RASAL2: variants seen among roughly 807,000 people sequenced by gnomAD.
RASAL2 encodes ras GTPase-activating protein nGAP.
In RASAL2, 58 loss-of-function variants were observed where a neutral mutation model predicts 128.9. The observed-to-expected ratio is 0.45, with a 90% confidence interval of 0.36 to 0.56. The LOEUF (loss-of-function observed/expected upper bound fraction) is 0.56, where lower values mean the gene tolerates loss of function less well. RASAL2 is among the 20% of genes least tolerant of loss of function. RASAL2 has a pLI of 0.00. For synonymous variants in RASAL2, 561 were observed against 580.8 expected, an observed-to-expected ratio of 0.97 and a Z score of 0.49; for missense variants, 1,360 against 1,601.6, an observed-to-expected ratio of 0.85 and a Z score of 2.57.
Position 178,445,680 on chromosome 1 carries a change from A to G in RASAL2, c.1627+18A>G, listed in dbSNP as rs1377907713. ...CGCACTGGGTATGAAAGAGAAAAAC[A>G]TCTATTTTCTTTTATTTACTTTTCA... is the stretch of plus-strand genomic sequence containing the variant. On this transcript the variant is annotated intron_variant, in intron 9 of 17. Coordinates refer to ENST00000367649, the MANE Select transcript of RASAL2 (RefSeq NM_170692.4). 1 of 1,589,922 alleles carries G rather than the reference A, an allele frequency of 6.3e-7. No individual in the cohort carries two copies. The highest frequency in any genetic ancestry group is 8.6e-7 in the Non-Finnish European group (1 of 1,169,040).
intron 4 of RASAL2, among the ~76,000 whole-genome samples, chr1:178,403,759 G>A (rs1350658023): frequency 1.3e-5 from 2 of 151,990 alleles, no homozygotes; most frequent in South Asian, 4.1e-4. Context: ...CTTAATGCAG[G>A]GAAAAACTTT....
At chr1:178,099,970 C>A (rs1467096403) in intron 1 of RASAL2, among the ~76,000 whole-genome samples, 1 of 151,062 alleles carries the variant, frequency 6.6e-6, no homozygotes, top group African/African-American at 2.4e-5. Context: ...AAAAAAAAAA[C>A]AAAATCATAC....
intron 3 of RASAL2, among the ~76,000 whole-genome samples, chr1:178,371,322 C>CCACACACA (rs370972772): frequency 0.011 from 1,422 of 124,462 alleles, 28 homozygotes; most frequent in African/African-American, 0.033. Context: ...GCCTTCTTTC[C>CCACACACA]CACACACACA....
At chr1:178,396,884 A>G (rs573656243) in intron 4 of RASAL2, among the ~76,000 whole-genome samples, 84 of 152,122 alleles carry the variant, frequency 5.5e-4, no homozygotes, top group Non-Finnish European at 8.8e-5. Context: ...AAGAAAATAT[A>G]CAAATGGCCA....
intron 3 of RASAL2, among the ~76,000 whole-genome samples, chr1:178,349,090 C>T (rs1670312467): frequency 1.3e-5 from 2 of 151,016 alleles, no homozygotes; most frequent in Non-Finnish European, 3.0e-5. Flanking sequence ...TGAGCCACCG[C>T]GCCCGGCCCG....
intron 3 of RASAL2, among the ~76,000 whole-genome samples, chr1:178,340,798 A>G (rs1313582684): frequency 6.6e-6 from 1 of 152,176 alleles, no homozygotes; most frequent in East Asian, 1.9e-4. Flanking sequence ...CTTTGCCTTT[A>G]GTAGTCAACA....
intron 3 of RASAL2, among the ~76,000 whole-genome samples, chr1:178,388,288 T>A (rs1404812411): frequency 6.6e-6 from 1 of 152,224 alleles, no homozygotes; most frequent in Non-Finnish European, 1.5e-5. Flanking sequence ...TCTGGAAGTC[T>A]TTCTGTTCAA....
chr1:178,454,562 C>G lies in RASAL2; in HGVS notation c.2125C>G (p.Pro709Ala), dbSNP rs1300989435. 3 of 1,613,776 alleles carry G rather than the reference C, an allele frequency of 1.9e-6. No individual in the cohort carries two copies. Among genetic ancestry groups the G allele is most frequent in the Non-Finnish European group, 2.5e-6 (3 of 1,179,834 alleles). The stretch of plus-strand genomic sequence containing the variant: ...TAATCCAGACACCATCTCAAACACC[C>G]CAGGCTTTGATGGTTACATTGATCT... Reference protein sequence around the residue: ...ISNPDTISNTPGFDGYIDLGR... With the variant: ...ISNPDTISNTAGFDGYIDLGR... Residue 709 changes from proline to alanine, a missense_variant, in exon 12 of 18, where the codon CCA (proline) becomes GCA (alanine). Transcript: ENST00000367649.
chr1:178,247,993 G>A (rs1664853551), intron 1 of RASAL2, among the ~76,000 whole-genome samples: 1 of 152,118 alleles, frequency 6.6e-6, no homozygotes, highest in Non-Finnish European at 1.5e-5. Flanking sequence ...TTCCAATTAT[G>A]TGGTCAATTT....
chr1:178,470,256 C>T (rs1648131129), intron 17 of RASAL2, among the ~76,000 whole-genome samples: 1 of 152,220 alleles, frequency 6.6e-6, no homozygotes, highest in African/African-American at 2.4e-5. Flanking sequence ...TCCCAAAACA[C>T]TACCAGCCAG....
chr1:178,311,045 GGT>G (rs1422545229), intron 3 of RASAL2, among the ~76,000 whole-genome samples: 1 of 152,040 alleles, frequency 6.6e-6, no homozygotes, highest in East Asian at 1.9e-4. Flanking sequence ...AAACCACTGT[GGT>G]GGTTGGAGAA....
At chr1:178,111,710 A>G (rs546304860) in intron 1 of RASAL2, among the ~76,000 whole-genome samples, 24 of 152,204 alleles carry the variant, frequency 1.6e-4, no homozygotes, top group African/African-American at 5.8e-4. Flanking sequence ...CTTTAGTAAA[A>G]TGTTCAATCT....
At chr1:178,422,329 A>AC (rs1374315977) in intron 5 of RASAL2, among the ~76,000 whole-genome samples, 28 of 152,006 alleles carry the variant, frequency 1.8e-4, no homozygotes, top group Non-Finnish European at 3.5e-4. Context: ...CCAGTGATTG[A>AC]AATGTATTAT....
chr1:178,440,394 T>C (rs1676553688), intron 6 of RASAL2, among the ~76,000 whole-genome samples: 1 of 152,084 alleles, frequency 6.6e-6, no homozygotes, highest in Non-Finnish European at 1.5e-5. Flanking sequence ...AATATTATCA[T>C]TTCAACATGT....
chr1:178,327,364 G>A (rs367644222), intron 3 of RASAL2, among the ~76,000 whole-genome samples: 15 of 151,512 alleles, frequency 9.9e-5, no homozygotes, highest in African/African-American at 3.6e-4. Context: ...TTTATATTTC[G>A]AGAAAGGGTC....
chr1:178,407,826 G>A (rs1282973142), intron 4 of RASAL2, among the ~76,000 whole-genome samples: 1 of 152,176 alleles, frequency 6.6e-6, no homozygotes, highest in Non-Finnish European at 1.5e-5. Context: ...GCAAGGCATT[G>A]TCCCTTATTA....
At chr1:178,223,274 A>G (rs1037544159) in intron 1 of RASAL2, among the ~76,000 whole-genome samples, 1 of 152,210 alleles carries the variant, frequency 6.6e-6, no homozygotes, top group African/African-American at 2.4e-5. Flanking sequence ...TACAATTACA[A>G]CGCCACAGCT....
chr1:178,458,756 A>G (rs1465506066), intron 14 of RASAL2, among the ~76,000 whole-genome samples: 1 of 152,186 alleles, frequency 6.6e-6, no homozygotes, highest in African/African-American at 2.4e-5. Flanking sequence ...GAGTCTAACA[A>G]ACACGCAGAG....
At chr1:178,464,831 GTTTTTT>G (rs986789340) in intron 15 of RASAL2, among the ~76,000 whole-genome samples, 12 of 38,206 alleles carry the variant, frequency 3.1e-4, no homozygotes, top group South Asian at 1.4e-3. Context: ...GGTTTTAGTT[GTTTTTT>G]TTTTTTTTTT....
Sources: allele counts gnomAD v4.1 joint callset (sites outside exome capture counted in the v4.1 genomes callset), GRCh38; gene constraint gnomAD v4.1.1; transcripts MANE v1.5; gene names NCBI Gene and HGNC (gene_info 2026-07-23, HGNC 2026-07-21).